Variants in GPR63 observed in about 807,000 individuals in gnomAD.
GPR63 encodes probable G protein-coupled receptor 63.
GPR63 carries 12 observed loss-of-function variants against 23.1 expected under a neutral mutation model. The observed-to-expected ratio is 0.52, with a 90% CI of 0.33 to 0.84. GPR63 has a LOEUF of 0.84. GPR63 is among the 40% of genes least tolerant of loss of function. The pLI is 0.02. For synonymous variants in GPR63, 172 were observed against 191.1 expected, an observed-to-expected ratio of 0.90 and a Z score of 0.82; for missense variants, 472 against 515.6, an observed-to-expected ratio of 0.92 and a Z score of 0.82.
chr6:96,819,599 G>A lies in GPR63; in HGVS notation c.-151+17669C>T, dbSNP rs113887410. On this transcript the variant is annotated intron_variant, in intron 1 of 1. Coordinates refer to ENST00000229955, the MANE Select transcript of GPR63 (RefSeq NM_030784.4). ...CTTAAAACCTAAATGGGGGTTGATA[G>A]GAGCAGCAAACCACCATGGTACATG... 9.0e-3 allele frequency among the ~76,000 whole-genome samples: 1,364 copies of A among 151,902 alleles called. 37 individuals are homozygous for A. The highest frequency in any genetic ancestry group is 0.032 in the African/African-American group (1,316 of 41,416).
intron 1 of GPR63, among the ~76,000 whole-genome samples, chr6:96,836,722 G>A (rs1774738871): frequency 6.6e-6 from 1 of 152,152 alleles, no homozygotes; most frequent in Admixed American, 6.5e-5. Context: ...GGCCAAGGAT[G>A]CAACACACAG....
chr6:96,834,825 T>A (rs1336857778), intron 1 of GPR63, among the ~76,000 whole-genome samples: 1 of 152,214 alleles, frequency 6.6e-6, no homozygotes, highest in Non-Finnish European at 1.5e-5. Context: ...ATATTGTTTT[T>A]CCAAGCATTA....
chr6:96,799,767 A>G lies in GPR63; in HGVS notation c.-36T>C. On this transcript the variant is annotated 5_prime_UTR_variant, in exon 2 of 2. Transcript: ENST00000229955. ...GGATGGAAGATGCAAGCAGAGATGC[A>G]GGAGTTCTTCAAGCATTTCAACACA... 6.2e-7 allele frequency: 1 copy of G among 1,609,724 alleles called. No homozygotes were observed. The highest frequency in any genetic ancestry group is 8.5e-7 in the Non-Finnish European group (1 of 1,175,970).
chr6:96,811,878 AAATAAAT>A (rs1442848072), intron 1 of GPR63, among the ~76,000 whole-genome samples: 5 of 130,114 alleles, frequency 3.8e-5, no homozygotes, highest in African/African-American at 8.6e-5. Flanking sequence ...ATAAATAAAT[AAATAAAT>A]AAATAAAATA....
rs928673232 is a variant in GPR63 at position 96,833,712 on chromosome 6, C to T, written c.-151+3556G>A. 2.0e-5 allele frequency among the ~76,000 whole-genome samples: 3 copies of T among 152,258 alleles called. No homozygotes were observed. The South Asian group carries it at 6.2e-4, about 32-fold the overall frequency. On this transcript the variant is annotated intron_variant, in intron 1 of 1. Coordinates refer to ENST00000229955, the MANE Select transcript of GPR63 (RefSeq NM_030784.4). The stretch of plus-strand genomic sequence containing the variant: ...CCTAAAAGGTATGTAAAGCTTATAA[C>T]TATAATAACACATAAAGGTTTAAAT...
chr6:96,829,222 A>C (rs548722467), intron 1 of GPR63, among the ~76,000 whole-genome samples: 3 of 152,352 alleles, frequency 2.0e-5, no homozygotes, highest in Admixed American at 6.5e-5. Flanking sequence ...TTATTTGTAG[A>C]GAACACCTGC....
In GPR63 at chr6:96,798,724, C is replaced by T; in HGVS notation, c.1008G>A (p.Val336=). The T allele has an allele frequency of 6.2e-7, 1 of 1,614,156 alleles. No homozygotes were observed. The highest frequency in any genetic ancestry group is 8.5e-7 in the Non-Finnish European group (1 of 1,180,034). The change falls in exon 2 of 2, where the codon GTG becomes GTA. Residue 336 remains valine (V), a synonymous_variant. Transcript: ENST00000229955. ...AGTAAAAGTGCTTACTGAATGTTGC[C>T]ACAAGGCTGTAAGTGGTGAATGGGG... ...CWAPFTTYSL[V]ATFSKHFYYQ...
Position 96,798,987 on chromosome 6 carries a change from TGA to T in GPR63, c.743_744del (p.Leu248HisfsTer30). On this transcript the variant is annotated frameshift_variant, in exon 2 of 2. Transcript: ENST00000229955. LOFTEE classifies it high-confidence loss of function. ...ACCAGGAAGGGTATGAAGAAAGAAA[TGA>T]GAGAAATCAAAATCACATAAGCCTG... Reference protein sequence around the residue: ...GYQAYVILISLISFFIPFLVI... With the variant: ...GYQAYVILISXISFFIPFLVI... 1 of 1,613,960 alleles carries T rather than the reference TGA, an allele frequency of 6.2e-7. No homozygotes were observed. Among genetic ancestry groups the T allele is most frequent in the South Asian group, 1.1e-5 (1 of 91,074 alleles).
intron 1 of GPR63, among the ~76,000 whole-genome samples, chr6:96,834,807 A>T (rs1044371670): frequency 6.6e-6 from 1 of 152,194 alleles, no homozygotes; most frequent in Non-Finnish European, 1.5e-5. Context: ...GGAGCACTGT[A>T]TTTATACATA....
chr6:96,796,865 G>A lies in GPR63; in HGVS notation c.*1607C>T, dbSNP rs1440786984. 2 of 152,122 alleles carry A rather than the reference G, an allele frequency of 1.3e-5. No individual in the cohort carries two copies. Among genetic ancestry groups the A allele is most frequent in the Non-Finnish European group, 2.9e-5 (2 of 68,028 alleles). 9.4% of individuals were successfully genotyped at this position (152,122 alleles called of 1,614,324 possible). Reference sequence around the variant, plus strand: ...ATCAAAAACAAAAAAAAAAATCACTGGTTTTGCTTCACAGCCTTATTTATC... The same window carrying A: ...ATCAAAAACAAAAAAAAAAATCACTAGTTTTGCTTCACAGCCTTATTTATC... On this transcript the variant is annotated 3_prime_UTR_variant, in exon 2 of 2. Coordinates refer to ENST00000229955, the MANE Select transcript of GPR63 (RefSeq NM_030784.4).
chr6:96,804,506 A>G (rs1345814207), intron 1 of GPR63, among the ~76,000 whole-genome samples: 2 of 152,160 alleles, frequency 1.3e-5, no homozygotes, highest in African/African-American at 2.4e-5. Flanking sequence ...GTTTTGTGGG[A>G]TCAATTTTTT....
intron 1 of GPR63, among the ~76,000 whole-genome samples, chr6:96,830,841 G>T (rs1009809734): frequency 6.6e-6 from 1 of 152,106 alleles, no homozygotes; most frequent in African/African-American, 2.4e-5. Flanking sequence ...TTCTAGTTTT[G>T]TTACTAGAAG....
rs1466792156 is a variant in GPR63, at chr6:96,794,457, C to G, written c.*4015G>C. On this transcript the variant is annotated 3_prime_UTR_variant, in exon 2 of 2. Coordinates refer to ENST00000229955, the MANE Select transcript of GPR63 (RefSeq NM_030784.4). ...AATCTGAATGTAGCCATTCTTTAAA[C>G]TTAAACTAAAAATCATTGTAGAATA... 2 of 152,012 alleles carry G rather than the reference C, an allele frequency of 1.3e-5. No individual in the cohort carries two copies. Among genetic ancestry groups the G allele is most frequent in the Non-Finnish European group, 2.9e-5 (2 of 67,984 alleles). 9.4% of individuals were successfully genotyped at this position (152,012 alleles called of 1,614,324 possible).
At chr6:96,836,290 A>G (rs1774726403) in intron 1 of GPR63, among the ~76,000 whole-genome samples, 1 of 152,238 alleles carries the variant, frequency 6.6e-6, no homozygotes, top group South Asian at 2.1e-4. Flanking sequence ...GAATGTCTGA[A>G]GCAGTATCAG....
intron 1 of GPR63, among the ~76,000 whole-genome samples, chr6:96,812,222 A>G (rs1774063220): frequency 6.6e-6 from 1 of 152,188 alleles, no homozygotes; most frequent in Non-Finnish European, 1.5e-5. Context: ...TGCTGTGTGT[A>G]CATTTTAAGT....
At position 96,822,370 on chromosome 6, in the gene GPR63, G is replaced by A. The variant is rs571072059; in HGVS notation, c.-151+14898C>T. Among the ~76,000 whole-genome samples the A allele has an allele frequency of 7.2e-5, 11 of 151,840 alleles. No individual in the cohort carries two copies. The East Asian group carries it at 7.7e-4, about 11-fold the overall frequency. ...ATTATGGTTAACTTGGGAAGGTTCC[G>A]AAAAAAAGGTTCTAAAGGTCATACT... On this transcript the variant is annotated intron_variant, in intron 1 of 1. Coordinates refer to ENST00000229955, the MANE Select transcript of GPR63 (RefSeq NM_030784.4).
chr6:96,810,851 C>A (rs1774024975), intron 1 of GPR63, among the ~76,000 whole-genome samples: 1 of 152,022 alleles, frequency 6.6e-6, no homozygotes, highest in Admixed American at 6.6e-5. Flanking sequence ...AATTTTTTTC[C>A]ACATTAAATC....
chr6:96,835,137 G>A (rs971757664), intron 1 of GPR63, among the ~76,000 whole-genome samples: 1 of 152,110 alleles, frequency 6.6e-6, no homozygotes, highest in Non-Finnish European at 1.5e-5. Flanking sequence ...CCTGATCCAA[G>A]CCTTGTTAAG....
At position 96,795,662 on chromosome 6, in the gene GPR63, A is replaced by G. The variant is rs1470557195; in HGVS notation, c.*2810T>C. Reference sequence around the variant, plus strand: ...GAGGCACTGCCTATTAAGCAGCATGAAAGTACCTAAAGACTGCCCATAAAA... The same window carrying G: ...GAGGCACTGCCTATTAAGCAGCATGGAAGTACCTAAAGACTGCCCATAAAA... On this transcript the variant is annotated 3_prime_UTR_variant, in exon 2 of 2. Transcript: ENST00000229955. 6.6e-6 allele frequency: 1 copy of G among 152,184 alleles called. No individual in the cohort carries two copies. Among genetic ancestry groups the G allele is most frequent in the Non-Finnish European group, 1.5e-5 (1 of 68,050 alleles). 9.4% of individuals were successfully genotyped at this position (152,184 alleles called of 1,614,324 possible).
Sources: allele counts gnomAD v4.1 joint callset (sites outside exome capture counted in the v4.1 genomes callset), GRCh38; gene constraint gnomAD v4.1.1; transcripts MANE v1.5; gene names NCBI Gene and HGNC (gene_info 2026-07-23, HGNC 2026-07-21).